Variants in METTL8 observed in about 807,000 individuals in gnomAD.
METTL8 encodes the protein tRNA N(3)-cytidine methyltransferase METTL8, mitochondrial.
In METTL8, 32 loss-of-function variants were observed where a neutral mutation model predicts 48.7. The ratio of observed to expected loss-of-function variants is 0.66; its 90% CI spans 0.50 to 0.88. The LOEUF (loss-of-function observed/expected upper bound fraction) is 0.88, where lower values mean the gene tolerates loss of function less well. Ranked by LOEUF, METTL8 falls within the 40% of genes least tolerant of loss-of-function variation. The pLI is 0.00. For synonymous variants in METTL8, 136 were observed against 157.1 expected, an observed-to-expected ratio of 0.87 and a Z score of 1.01; for missense variants, 464 against 474.4, an observed-to-expected ratio of 0.98 and a Z score of 0.20.
intron 1 of METTL8, among the ~76,000 whole-genome samples, chr2:171,397,401 A>T (rs1276053489): frequency 6.7e-6 from 1 of 149,380 alleles, no homozygotes; most frequent in Admixed American, 6.7e-5. Flanking sequence ...ACAACAAAAA[A>T]CTTCAAACAA....
intron 2 of METTL8, among the ~76,000 whole-genome samples, chr2:171,374,246 CTGTT>C (rs1438031177): frequency 2.0e-5 from 3 of 152,082 alleles, no homozygotes; most frequent in Non-Finnish European, 4.4e-5. Flanking sequence ...ATTTGGCTCT[CTGTT>C]TGTCTGTTAT....
At chr2:171,421,854 A>T (rs949719058) in intron 1 of METTL8, among the ~76,000 whole-genome samples, 1 of 152,190 alleles carries the variant, frequency 6.6e-6, no homozygotes, top group Non-Finnish European at 1.5e-5. Context: ...TAGTATACTG[A>T]GGAAAGACTC....
chr2:171,360,921 C>G (rs781326008), intron 2 of METTL8, among the ~76,000 whole-genome samples: 15 of 152,202 alleles, frequency 9.9e-5, no homozygotes, highest in Non-Finnish European at 1.8e-4. Flanking sequence ...TGTATTCTAA[C>G]ACTTTGCTGT....
chr2:171,331,809 C>A lies in METTL8; in HGVS notation c.715G>T (p.Val239Leu). 1 of 1,603,090 alleles carries A rather than the reference C, an allele frequency of 6.2e-7. No individual in the cohort carries two copies. The highest frequency in any genetic ancestry group is 8.5e-7 in the Non-Finnish European group (1 of 1,173,988). Residue 239 changes from valine (V) to leucine (L), a missense_variant, in exon 6 of 10, where the codon GTA becomes TTA. Transcript: ENST00000375258. The stretch of plus-strand genomic sequence containing the variant: ...GATTCCCAGGAGTAGCATACCTTTA[C>A]GAGCTCCACAGCTCCAGAAGCAAAA... Reference protein sequence around the residue: ...CDFASGAVELVKSHSSYRATQ... With the variant: ...CDFASGAVELLKSHSSYRATQ...
chr2:171,409,166 T>G lies in METTL8; in HGVS notation c.-12-16969A>C, dbSNP rs141226227. Among the ~76,000 whole-genome samples the G allele has an allele frequency of 2.7e-3, 414 of 152,316 alleles. 4 individuals carry two copies. Among genetic ancestry groups the G allele is most frequent in the African/African-American group, 9.5e-3 (396 of 41,566 alleles). ...AGGTGGCTAAGCCGGGACTTGAAGT[T>G]GAGATTAAGTCTGTTGTCAGTTCAT... On this transcript the variant is annotated intron_variant, in intron 1 of 9. Coordinates refer to ENST00000375258, the MANE Select transcript of METTL8 (RefSeq NM_001321154.2).
intron 2 of METTL8, among the ~76,000 whole-genome samples, chr2:171,361,949 C>A (rs1428569922): frequency 1.3e-5 from 2 of 152,092 alleles, no homozygotes; most frequent in Admixed American, 1.3e-4. Context: ...AATAGGAAGG[C>A]TTAAGAGAAG....
chr2:171,331,887 AT>A lies in METTL8; in HGVS notation c.657-21del. ...GAGTTCCTATGAAGATGGAAGAAAT[AT>A]TTATTTATTTTTTTGGAGACAGGGT... On this transcript the variant is annotated intron_variant, in intron 5 of 9. Coordinates refer to ENST00000375258, the MANE Select transcript of METTL8 (RefSeq NM_001321154.2). 1 of 1,553,148 alleles carries A rather than the reference AT, an allele frequency of 6.4e-7. No individual in the cohort carries two copies. The highest frequency in any genetic ancestry group is 8.8e-7 in the Non-Finnish European group (1 of 1,141,060).
At chr2:171,390,775 G>T (rs943433604) in intron 2 of METTL8, among the ~76,000 whole-genome samples, 1 of 152,190 alleles carries the variant, frequency 6.6e-6, no homozygotes, top group Non-Finnish European at 1.5e-5. Flanking sequence ...TCTACTTGGG[G>T]TGAAGACAGT....
At chr2:171,385,084 A>T (rs1687916610) in intron 2 of METTL8, among the ~76,000 whole-genome samples, 1 of 152,092 alleles carries the variant, frequency 6.6e-6, no homozygotes, top group Non-Finnish European at 1.5e-5. Flanking sequence ...CTCTGAGAGA[A>T]AACTGGCATA....
At position 171,335,333 on chromosome 2, in the gene METTL8, A is replaced by T. The variant is rs181165250; in HGVS notation, c.656+2120T>A. 1.2e-4 allele frequency among the ~76,000 whole-genome samples: 19 copies of T among 152,344 alleles called. No individual in the cohort carries two copies. The South Asian group carries it at 1.7e-3, about 13-fold the overall frequency. ...CCTGAATAATCAAGGATAAAGTATC[A>T]TGATGTTGGCATTATATTGGTAATT... On this transcript the variant is annotated intron_variant, in intron 5 of 9. Coordinates refer to ENST00000375258, the MANE Select transcript of METTL8 (RefSeq NM_001321154.2).
At chr2:171,430,085 C>T (rs892758164) in intron 1 of METTL8, among the ~76,000 whole-genome samples, 6 of 150,286 alleles carry the variant, frequency 4.0e-5, no homozygotes, top group African/African-American at 1.2e-4. Flanking sequence ...GGGCCAGGAA[C>T]GGTAGCTCAT....
At chr2:171,409,710 GC>G (rs1690554950) in intron 1 of METTL8, among the ~76,000 whole-genome samples, 2 of 152,278 alleles carry the variant, frequency 1.3e-5, no homozygotes, top group South Asian at 4.1e-4. Flanking sequence ...CAGGGACGCG[GC>G]AGGGCAGAGA....
intron 3 of METTL8, among the ~76,000 whole-genome samples, chr2:171,353,485 C>T (rs1377112877): frequency 1.3e-5 from 2 of 152,130 alleles, no homozygotes; most frequent in Non-Finnish European, 2.9e-5. Context: ...CTATTAGGTC[C>T]ACTTGCTGCA....
At chr2:171,325,760 T>C (rs1684881289) in intron 9 of METTL8, 81 bp downstream of exon 9, 1 of 838,390 alleles carries the variant, frequency 1.2e-6, no homozygotes, top group Non-Finnish European at 1.9e-6. Flanking sequence ...CTCAGTTTCA[T>C]AGCTTCTGAG....
chr2:171,403,360 G>C (rs1247302033), intron 1 of METTL8, among the ~76,000 whole-genome samples: 2 of 151,990 alleles, frequency 1.3e-5, no homozygotes, highest in Non-Finnish European at 2.9e-5. Flanking sequence ...CTAATCATAA[G>C]AAAACTATCA....
rs1347474657 is a variant in METTL8 at position 171,317,360 on chromosome 2, AC to A, written c.*6811del. 1 of 152,198 alleles carries A rather than the reference AC, an allele frequency of 6.6e-6. No homozygotes were observed. Among genetic ancestry groups the A allele is most frequent in the Non-Finnish European group, 1.5e-5 (1 of 68,026 alleles). 9.4% of individuals were successfully genotyped at this position (152,198 alleles called of 1,614,324 possible). ...GCATAACAAAATTCCATTTTTCTGG[AC>A]CAAACCTCATCAGCCCAACTAGGAA... On this transcript the variant is annotated 3_prime_UTR_variant, in exon 10 of 10. Transcript: ENST00000375258.
intron 2 of METTL8, among the ~76,000 whole-genome samples, chr2:171,366,366 A>T (rs1685719042): frequency 6.6e-6 from 1 of 152,176 alleles, no homozygotes; most frequent in African/African-American, 2.4e-5. Flanking sequence ...CTAAAATCAA[A>T]CCTGATCCAA....
chr2:171,350,628 T>C (rs1465208897), intron 3 of METTL8, among the ~76,000 whole-genome samples: 1 of 152,146 alleles, frequency 6.6e-6, no homozygotes, highest in Non-Finnish European at 1.5e-5. Flanking sequence ...GCACCTGCTG[T>C]TTCCTGACTT....
At chr2:171,326,186 A>T (rs771083867) in intron 7 of METTL8, 38 bp from the exon 8 acceptor site, 2 of 1,144,616 alleles carry the variant, frequency 1.7e-6, no homozygotes, top group African/African-American at 1.6e-5. Flanking sequence ...CCCAGTTTGT[A>T]GAAATCTTGT....
Sources: allele counts gnomAD v4.1 joint callset (sites outside exome capture counted in the v4.1 genomes callset), GRCh38; gene constraint gnomAD v4.1.1; transcripts MANE v1.5; gene names NCBI Gene and HGNC (gene_info 2026-07-23, HGNC 2026-07-21).